HPD: variants seen among roughly 807,000 people sequenced by gnomAD.
The protein encoded by HPD is 4-hydroxyphenylpyruvate dioxygenase.
A neutral mutation model predicts 56.9 loss-of-function variants in HPD; 35 were observed. The ratio of observed to expected loss-of-function variants is 0.62; its 90% CI spans 0.47 to 0.82. The LOEUF (loss-of-function observed/expected upper bound fraction) is 0.82. Ranked by LOEUF, HPD falls within the 40% of genes least tolerant of loss-of-function variation. The pLI, the probability that HPD is intolerant of heterozygous loss-of-function variation, is 0.00. For synonymous variants in HPD, 186 were observed against 200.2 expected (o/e 0.93, Z 0.60); for missense variants, 442 against 506.8 (o/e 0.87, Z 1.23).
Position 121,845,327 on chromosome 12 carries a change from T to C in HPD, c.832-1495A>G, listed in dbSNP as rs556780219. Among the ~76,000 whole-genome samples, 6 of 149,614 alleles carry C rather than the reference T, an allele frequency of 4.0e-5. No homozygotes were observed. The East Asian group carries it at 1.2e-3, about 29-fold the overall frequency. ...GATGAGGTCTTATGGCCGGGCGCAG[T>C]GGCTCACACCTGTAATCCCAGCACT... On this transcript the variant is annotated intron_variant, in intron 11 of 13. Coordinates refer to ENST00000289004, the MANE Select transcript of HPD (RefSeq NM_002150.3).
At chr12:121,873,374 C>T in the HPD span, among the ~76,000 whole-genome samples, 11 of 152,154 alleles carry the variant, frequency 7.2e-5, no homozygotes, top group African/African-American at 2.7e-4. Context: ...AGAGGCTGGT[C>T]CCTTTCAGCC....
chr12:121,849,658 C>A, intron 8 of HPD, 29 bp downstream of exon 8: 2 of 1,443,828 alleles, frequency 1.4e-6, no homozygotes, highest in Non-Finnish European at 2.0e-6. Flanking sequence ...CAGGGCTTTC[C>A]ACCCACCTCT....
Position 121,847,074 on chromosome 12 carries a change from C to A in HPD, c.737G>T (p.Gly246Val). 1 of 1,614,164 alleles carries A rather than the reference C, an allele frequency of 6.2e-7. No homozygotes were observed. The highest frequency in any genetic ancestry group is 8.5e-7 in the Non-Finnish European group (1 of 1,180,034). Residue 246 changes from glycine to valine, a missense_variant, in exon 10 of 14, where the codon GGC (glycine) becomes GTC (valine). Physicochemically the swap from Gly to Val is moderately radical, Grantham distance 109. Transcript: ENST00000289004. ...IKMPINEPAPGKKKSQIQEYV... is the reference protein window; with the variant it reads ...IKMPINEPAPVKKKSQIQEYV... ...CACCTGGATCTGGGACTTCTTCTTG[C>A]CAGGCGCTGGCTCATTGATGGGCAT...
At chr12:121,842,741 C>CT (rs34879391) in intron 12 of HPD, among the ~76,000 whole-genome samples, 1,633 of 76,224 alleles carry the variant, frequency 0.021, 61 homozygotes, top group African/African-American at 0.049. Context: ...TAAAATGGAT[C>CT]TTTTTTTTTT....
the HPD span, among the ~76,000 whole-genome samples, chr12:121,874,659 TCC>T: frequency 1.3e-5 from 2 of 151,848 alleles, no homozygotes; most frequent in Non-Finnish European, 2.9e-5. Context: ...CAAAAACAGT[TCC>T]TGCTTCCAAG....
At chr12:121,886,537 C>G in the HPD span, among the ~76,000 whole-genome samples, 2 of 148,924 alleles carry the variant, frequency 1.3e-5, no homozygotes, top group African/African-American at 5.0e-5. Context: ...TTTTCTTGAA[C>G]ATGCTTATAC....
At chr12:121,854,944 C>A in intron 6 of HPD, 152 bp from the exon 7 acceptor site, 1 of 685,830 alleles carries the variant, frequency 1.5e-6, no homozygotes, top group East Asian at 2.7e-5. Context: ...TCAGCCATTA[C>A]CCCCAATACT....
chr12:121,877,905 T>G, the HPD span, among the ~76,000 whole-genome samples: 1 of 152,174 alleles, frequency 6.6e-6, no homozygotes, highest in Non-Finnish European at 1.5e-5. Flanking sequence ...TGTGAATTTT[T>G]ATGTGAAATC....
intron 11 of HPD, among the ~76,000 whole-genome samples, chr12:121,845,896 T>G (rs1268642581): frequency 6.6e-6 from 1 of 152,120 alleles, no homozygotes; most frequent in Non-Finnish European, 1.5e-5. Flanking sequence ...TAAAAAAAAT[T>G]TCTTTTTTGA....
rs746093350 is a variant in HPD at position 121,847,111 on chromosome 12, C to CTT, written c.698_699dup (p.Glu234LysfsTer49). The stretch of plus-strand genomic sequence containing the variant: ...TCATTGATGGGCATCTTGATGGACT[C>CTT]TTCATAGTTGGCCACCACAATGGAT... On this transcript the variant is annotated frameshift_variant, in exon 10 of 14. Transcript: ENST00000289004. LOFTEE classifies it high-confidence loss of function. 5.6e-6 allele frequency: 9 copies of CTT among 1,614,172 alleles called. No individual in the cohort carries two copies. Among genetic ancestry groups the CTT allele is most frequent in the Non-Finnish European group, 7.6e-6 (9 of 1,180,030 alleles).
the HPD span, among the ~76,000 whole-genome samples, chr12:121,872,792 C>A: frequency 6.6e-6 from 1 of 151,916 alleles, no homozygotes; most frequent in Non-Finnish European, 1.5e-5. Context: ...CGGGGGCCAA[C>A]CCTGAGTCAG....
chr12:121,850,956 C>A (rs555436467), intron 7 of HPD, among the ~76,000 whole-genome samples: 2 of 151,596 alleles, frequency 1.3e-5, no homozygotes, highest in Non-Finnish European at 2.9e-5. Context: ...GTCTGCCTCC[C>A]GGGTTCAAGC....
At chr12:121,873,803 G>C in the HPD span, among the ~76,000 whole-genome samples, 15 of 134,980 alleles carry the variant, frequency 1.1e-4, no homozygotes, top group Non-Finnish European at 4.8e-5. Context: ...CTGGGAGACA[G>C]AGACTCCGTC....
Position 121,856,314 on chromosome 12 carries a change from G to A in HPD, c.324+10C>T. On this transcript the variant is annotated intron_variant, in intron 6 of 13. Coordinates refer to ENST00000289004, the MANE Select transcript of HPD (RefSeq NM_002150.3). The stretch of plus-strand genomic sequence containing the variant: ...CCTTCCTCTCTCAGTCCACCCAGGT[G>A]CTTTCTTACCTGCACGATGTAGTCA... 4 of 1,610,680 alleles carry A rather than the reference G, an allele frequency of 2.5e-6. No individual in the cohort carries two copies. The highest frequency in any genetic ancestry group is 3.4e-6 in the Non-Finnish European group (4 of 1,176,852).
the HPD span, among the ~76,000 whole-genome samples, chr12:121,886,481 C>T: frequency 0.12 from 17,811 of 148,516 alleles, 1,514 homozygotes; most frequent in African/African-American, 0.23. Flanking sequence ...CCTGCCCTGG[C>T]CTCCCAAAAT....
upstream of HPD, among the ~76,000 whole-genome samples, chr12:121,867,351 C>CAA (rs545740135): frequency 1.8e-4 from 19 of 106,750 alleles, no homozygotes; most frequent in African/African-American, 1.5e-4. Context: ...GACCCTGTCT[C>CAA]AAAAAAAAAA....
chr12:121,850,966 C>T (rs572174805), intron 7 of HPD, among the ~76,000 whole-genome samples: 3 of 151,052 alleles, frequency 2.0e-5, no homozygotes, highest in East Asian at 2.0e-4. Flanking sequence ...CGGGTTCAAG[C>T]GATTCTCCTG....
At chr12:121,841,270 G>A (rs1877398781) in intron 12 of HPD, among the ~76,000 whole-genome samples, 1 of 151,906 alleles carries the variant, frequency 6.6e-6, no homozygotes, top group South Asian at 2.1e-4. Context: ...TGGGGAGGCT[G>A]AGGCAGGAGA....
chr12:121,844,168 G>A (rs956604502), intron 11 of HPD, among the ~76,000 whole-genome samples: 15 of 152,134 alleles, frequency 9.9e-5, no homozygotes, highest in African/African-American at 3.4e-4. Flanking sequence ...TCCTGCTTCA[G>A]CCTCCTGAGT....
Sources: gnomAD v4.1 joint callset for allele counts (sites outside exome capture counted in the v4.1 genomes callset) on GRCh38, gnomAD v4.1.1 for gene constraint, MANE v1.5 for transcripts, NCBI Gene and HGNC (gene_info 2026-07-23, HGNC 2026-07-21) for gene names.